The following LDHC variants were observed in gnomAD, a reference collection of about 807,000 sequenced individuals.
LDHC encodes L-lactate dehydrogenase C chain.
A neutral mutation model predicts 30.2 loss-of-function variants in LDHC; 20 were observed. The observed-to-expected ratio is 0.66, with a 90% confidence interval of 0.47 to 0.96. LDHC has a LOEUF of 0.96. LDHC is among the 40% of genes least tolerant of loss of function. The pLI is 0.00. For missense variants in LDHC, 362 were observed against 394.9 expected, an observed-to-expected ratio of 0.92 and a Z score of 0.71; for synonymous variants, 139 against 132.7, an observed-to-expected ratio of 1.05 and a Z score of -0.32.
chr11:18,446,129 A>T, intron 6 of LDHC, 81 bp from the exon 7 acceptor site: 1 of 1,219,370 alleles, frequency 8.2e-7, no homozygotes, highest in Non-Finnish European at 1.2e-6. Flanking sequence ...AGATAACTTT[A>T]AAATGGATGC....
At chr11:18,445,110 A>G (rs1435620226) in intron 6 of LDHC, among the ~76,000 whole-genome samples, 1 of 152,058 alleles carries the variant, frequency 6.6e-6, no homozygotes, top group African/African-American at 2.4e-5. Flanking sequence ...TTCATTTATT[A>G]TTGATTTAGT....
In LDHC at chr11:18,429,745, G is replaced by A; in HGVS notation, c.253G>A (p.Val85Ile). 1.9e-6 allele frequency: 3 copies of A among 1,598,998 alleles called. No homozygotes were observed. The highest frequency in any genetic ancestry group is 2.2e-5 in the East Asian group (1 of 44,630). ...TTTTGTTTCCTTTTTAGATTACAGT[G>A]TATCTGCAAACTCCAGAATAGTTAT... ...SKITSGKDYS[V>I]SANSRIVIVT... Residue 85 changes from valine to isoleucine, a missense_variant, in exon 4 of 8, where the codon GTA (valine) becomes ATA (isoleucine). Transcript: ENST00000541669.
chr11:18,440,828 T>C (rs1253335797), intron 6 of LDHC, among the ~76,000 whole-genome samples: 1 of 151,590 alleles, frequency 6.6e-6, no homozygotes, highest in East Asian at 1.9e-4. Context: ...ACTGGGGTGG[T>C]TGAGGCAGGA....
intron 6 of LDHC, among the ~76,000 whole-genome samples, chr11:18,439,834 A>AAAAAAAAAAAT (rs1848431453): frequency 6.7e-6 from 1 of 148,770 alleles, no homozygotes; most frequent in African/African-American, 2.5e-5. Flanking sequence ...AAAAAAAAAA[A>AAAAAAAAAAAT]AACAAAAATT....
At chr11:18,448,269 T>C (rs1848589746) in intron 7 of LDHC, among the ~76,000 whole-genome samples, 1 of 151,828 alleles carries the variant, frequency 6.6e-6, no homozygotes, top group Non-Finnish European at 1.5e-5. Context: ...TCAATGGACA[T>C]TATATTTTAA....
chr11:18,418,291 T>C lies in LDHC; in HGVS notation c.244+2990T>C, dbSNP rs138535385. Among the ~76,000 whole-genome samples the C allele has an allele frequency of 2.9e-3, 437 of 148,368 alleles. 1 individual carries two copies. The highest frequency in any genetic ancestry group is 5.6e-3 in the Admixed American group (80 of 14,370). On this transcript the variant is annotated intron_variant, in intron 3 of 7. Coordinates refer to ENST00000541669, the MANE Select transcript of LDHC (RefSeq NM_017448.5). ...CTAATTCTTGATATGTAGCAACTAA[T>C]GAGCAGAAGTACATAGACATACTAG...
intron 6 of LDHC, among the ~76,000 whole-genome samples, chr11:18,439,266 T>C (rs1158126211): frequency 3.3e-5 from 5 of 152,164 alleles, no homozygotes; most frequent in African/African-American, 1.2e-4. Flanking sequence ...GTAGAAGTTA[T>C]AGAACTTAAA....
intron 4 of LDHC, among the ~76,000 whole-genome samples, chr11:18,433,325 G>A (rs1190489943): frequency 1.3e-5 from 2 of 151,864 alleles, no homozygotes; most frequent in African/African-American, 2.4e-5. Context: ...GGCAGAGGTT[G>A]CAGTGAGCTG....
intron 3 of LDHC, among the ~76,000 whole-genome samples, chr11:18,418,516 A>C (rs1349652512): frequency 1.3e-5 from 2 of 151,580 alleles, no homozygotes; most frequent in East Asian, 3.9e-4. Flanking sequence ...TGCAACCTCC[A>C]CCTCCCAGGT....
chr11:18,442,485 T>C (rs187049582), intron 6 of LDHC, among the ~76,000 whole-genome samples: 2 of 152,314 alleles, frequency 1.3e-5, no homozygotes, highest in East Asian at 1.9e-4. Context: ...TTAGTACATC[T>C]ACAACCACTA....
chr11:18,451,797 A>C lies in LDHC; in HGVS notation c.*670A>C, dbSNP rs537023468. On this transcript the variant is annotated 3_prime_UTR_variant, in exon 8 of 8. Transcript: ENST00000541669. ...ACACCCCATCTCTACAAAAATAAAG[A>C]AATTAGATGTGGTGGCCTGCATCTG... The C allele has an allele frequency of 6.6e-6, 1 of 152,228 alleles. No homozygotes were observed. The highest frequency in any genetic ancestry group is 1.5e-5 in the Non-Finnish European group (1 of 68,052). The allele number at this position is 152,228 out of a possible 1,614,324, so 9.4% of individuals were successfully genotyped here.
At chr11:18,427,800 C>T (rs898238840) in intron 3 of LDHC, among the ~76,000 whole-genome samples, 1 of 151,846 alleles carries the variant, frequency 6.6e-6, no homozygotes, top group African/African-American at 2.4e-5. Context: ...GCTTTACCCT[C>T]CTGAGTAACT....
intron 3 of LDHC, among the ~76,000 whole-genome samples, chr11:18,420,641 T>TAAAAAA (rs11321502): frequency 5.5e-5 from 4 of 72,348 alleles, no homozygotes; most frequent in Middle Eastern, 0.011. Flanking sequence ...TCTTGTCTCT[T>TAAAAAA]AAAAAAAAAA....
At chr11:18,413,095 T>C (rs1283451224) in intron 2 of LDHC, among the ~76,000 whole-genome samples, 1 of 151,804 alleles carries the variant, frequency 6.6e-6, no homozygotes, top group Non-Finnish European at 1.5e-5. Flanking sequence ...TTTCTTTTTC[T>C]TTTTTTGAGA....
At chr11:18,433,398 T>TAA (rs202023810) in intron 4 of LDHC, among the ~76,000 whole-genome samples, 5,552 of 132,758 alleles carry the variant, frequency 0.042, 300 homozygotes, top group African/African-American at 0.14. Context: ...AAAAAGGAAA[T>TAA]AAAAAAAAAA....
At chr11:18,444,009 C>G (rs1848508486) in intron 6 of LDHC, among the ~76,000 whole-genome samples, 1 of 152,130 alleles carries the variant, frequency 6.6e-6, no homozygotes, top group Non-Finnish European at 1.5e-5. Flanking sequence ...CTACTCAGCT[C>G]TTTTTACACA....
chr11:18,415,005 C>G (rs969302209), intron 2 of LDHC, among the ~76,000 whole-genome samples, 179 bp from the exon 3 acceptor site: 1 of 151,864 alleles, frequency 6.6e-6, no homozygotes, highest in Admixed American at 6.6e-5. Flanking sequence ...TTTGCTACAT[C>G]TTAATATTTA....
intron 7 of LDHC, among the ~76,000 whole-genome samples, chr11:18,448,745 A>ATTT (rs142663276): frequency 3.2e-4 from 48 of 147,820 alleles, no homozygotes; most frequent in Non-Finnish European, 1.2e-4. Context: ...TATTAATTGG[A>ATTT]TTTTTTTTTT....
intron 7 of LDHC, among the ~76,000 whole-genome samples, chr11:18,449,883 C>G (rs1226256198): frequency 1.3e-5 from 2 of 152,110 alleles, no homozygotes; most frequent in African/African-American, 4.8e-5. Flanking sequence ...AAGGAGCCTC[C>G]CCTCTTCCTT....
Sources: allele counts gnomAD v4.1 joint callset (sites outside exome capture counted in the v4.1 genomes callset), GRCh38; gene constraint gnomAD v4.1.1; transcripts MANE v1.5; gene names NCBI Gene and HGNC (gene_info 2026-07-23, HGNC 2026-07-21).